Variants in LANCL2 observed in about 807,000 individuals in gnomAD.
LANCL2 encodes the protein lanC-like protein 2.
Under a neutral mutation model 56.9 loss-of-function variants are expected in LANCL2, and 33 were observed. That is an observed-to-expected ratio of 0.58 (90% CI 0.44 to 0.78). The LOEUF is 0.78. Ranked by LOEUF, LANCL2 falls within the 30% of genes least tolerant of loss-of-function variation. The pLI is 0.00. For synonymous variants in LANCL2, 233 were observed against 228.2 expected (o/e 1.02, Z -0.19); for missense variants, 562 against 580.2 (o/e 0.97, Z 0.32).
intron 1 of LANCL2, among the ~76,000 whole-genome samples, chr7:55,369,006 G>GA (rs1233879131): frequency 3.3e-5 from 5 of 152,162 alleles, no homozygotes; most frequent in African/African-American, 1.2e-4. Flanking sequence ...TAAAAGAGAA[G>GA]AAAGAGACAT....
chr7:55,401,382 T>G, intron 5 of LANCL2, 62 bp downstream of exon 5: 5 of 1,439,860 alleles, frequency 3.5e-6, no homozygotes, highest in Non-Finnish European at 4.8e-6. Context: ...GGGAAATGAA[T>G]CCTGCATATA....
In LANCL2 at chr7:55,412,081, G is replaced by A. The variant is rs1308721483; in HGVS notation, c.1000G>A (p.Ala334Thr). 1.2e-6 allele frequency: 2 copies of A among 1,613,668 alleles called. No individual in the cohort carries two copies. The highest frequency in any genetic ancestry group is 1.7e-5 in the Admixed American group (1 of 59,982). ...APGVIHMLMQ[A>T]YKVFKEEKYL... Reference sequence around the variant, plus strand: ...GGGGGTCATCCACATGCTCATGCAGGCGTACAAGGTCAGTGCTTCCGCCGT... The same window carrying A: ...GGGGGTCATCCACATGCTCATGCAGACGTACAAGGTCAGTGCTTCCGCCGT... The change falls in exon 6 of 9, where the codon GCG (alanine) becomes ACG (threonine). Residue 334 changes from alanine (A) to threonine (T), a missense_variant. This residue lies in a region of LANCL2 where 378 missense variants were observed against 468.4 expected (regional missense o/e 0.81). Transcript: ENST00000254770.
chr7:55,384,012 C>CA (rs1790098129), intron 1 of LANCL2, among the ~76,000 whole-genome samples: 1 of 151,170 alleles, frequency 6.6e-6, no homozygotes, highest in Non-Finnish European at 1.5e-5. Context: ...GGTTTCAAGA[C>CA]AGAGGGAAGA....
chr7:55,392,531 T>G (rs1177022396), intron 2 of LANCL2, among the ~76,000 whole-genome samples: 1 of 134,136 alleles, frequency 7.5e-6, no homozygotes, highest in African/African-American at 2.9e-5. Flanking sequence ...TTTGATTTTT[T>G]GTAAAGACGG....
intron 1 of LANCL2, among the ~76,000 whole-genome samples, chr7:55,374,286 G>T (rs541751572): frequency 1.0e-3 from 157 of 152,298 alleles, no homozygotes; most frequent in Admixed American, 2.8e-3. Flanking sequence ...AAATTGGATT[G>T]AGGTGTGTGT....
intron 1 of LANCL2, among the ~76,000 whole-genome samples, chr7:55,373,275 A>ATATTTTTTTATT (rs1789965655): frequency 6.8e-6 from 1 of 147,952 alleles, no homozygotes; most frequent in African/African-American, 2.5e-5. Context: ...AATTTTTTAA[A>ATATTTTTTTATT]TATTTATTTA....
At chr7:55,403,429 C>T (rs1205390803) in intron 5 of LANCL2, among the ~76,000 whole-genome samples, 3 of 145,250 alleles carry the variant, frequency 2.1e-5, no homozygotes, top group East Asian at 1.9e-4. Flanking sequence ...AGGGGGAGAC[C>T]GTGGAAAGAG....
intron 7 of LANCL2, among the ~76,000 whole-genome samples, chr7:55,425,657 G>C (rs1394504562): frequency 6.6e-6 from 1 of 152,160 alleles, no homozygotes; most frequent in Non-Finnish European, 1.5e-5. Flanking sequence ...TATGTGTCCT[G>C]GAGTCACTAC....
In LANCL2 at chr7:55,428,364, T is replaced by C; in HGVS notation, c.1186-11T>C. 6.2e-7 allele frequency: 1 copy of C among 1,613,082 alleles called. No individual in the cohort carries two copies. On this transcript the variant is annotated splice_polypyrimidine_tract_variant and intron_variant, in intron 7 of 8. Coordinates refer to ENST00000254770, the MANE Select transcript of LANCL2 (RefSeq NM_018697.4). ...AACTCCAGTCTTAAAAAGAAATCCC[T>C]TTCTTTTCAGTTTGCAGAGTGGTGT...
intron 6 of LANCL2, among the ~76,000 whole-genome samples, chr7:55,421,678 A>AT (rs921442489): frequency 5.3e-5 from 8 of 150,508 alleles, no homozygotes; most frequent in Non-Finnish European, 8.9e-5. Context: ...CTATTTGCGT[A>AT]TTTTTTTTAC....
At chr7:55,389,944 A>T (rs560194327) in intron 1 of LANCL2, among the ~76,000 whole-genome samples, 1 of 152,208 alleles carries the variant, frequency 6.6e-6, no homozygotes, top group African/African-American at 2.4e-5. Flanking sequence ...CTGGGGCCTC[A>T]TGGCACTTTG....
In LANCL2 at chr7:55,389,731, A is replaced by G. The variant is rs185854852; in HGVS notation, c.205-2062A>G. On this transcript the variant is annotated intron_variant, in intron 1 of 8. Transcript: ENST00000254770. Reference sequence around the variant, plus strand: ...TATGATGGCCTTCATCAGCAAAGCCAGTATTGTAGATAAGGAAAGAAGGAA... The same window carrying G: ...TATGATGGCCTTCATCAGCAAAGCCGGTATTGTAGATAAGGAAAGAAGGAA... Among the ~76,000 whole-genome samples the G allele has an allele frequency of 5.5e-4, 83 of 152,182 alleles. 1 individual carries two copies. Among genetic ancestry groups the G allele is most frequent in the Admixed American group, 2.0e-3 (30 of 15,282 alleles).
rs771332309 is a variant in LANCL2 at position 55,399,949 on chromosome 7, T to C, written c.531-8T>C. 1.2e-5 allele frequency: 19 copies of C among 1,601,480 alleles called. No homozygotes were observed. The highest frequency in any genetic ancestry group is 2.6e-6 in the Non-Finnish European group (3 of 1,171,422). On this transcript the variant is annotated splice_polypyrimidine_tract_variant and splice_region_variant and intron_variant, in intron 3 of 8. Coordinates refer to ENST00000254770, the MANE Select transcript of LANCL2 (RefSeq NM_018697.4). Reference sequence around the variant, plus strand: ...ACTGGGAAAAAATTAATTTTTCTTATTGGTTAGACTTTTGCAGCTCCAGAG... The same window carrying C: ...ACTGGGAAAAAATTAATTTTTCTTACTGGTTAGACTTTTGCAGCTCCAGAG...
intron 5 of LANCL2, among the ~76,000 whole-genome samples, chr7:55,402,243 G>A (rs1324965662): frequency 5.5e-4 from 74 of 135,000 alleles, no homozygotes; most frequent in African/African-American, 1.9e-3. Flanking sequence ...CTGGCCGGGC[G>A]GGGGGCTGAC....
chr7:55,370,321 A>C (rs1213225323), intron 1 of LANCL2, among the ~76,000 whole-genome samples: 2 of 152,304 alleles, frequency 1.3e-5, no homozygotes, highest in East Asian at 3.9e-4. Flanking sequence ...TTATTATGTA[A>C]TCTCAGAAGT....
At chr7:55,367,590 G>A (rs1469654348) in intron 1 of LANCL2, among the ~76,000 whole-genome samples, 2 of 152,174 alleles carry the variant, frequency 1.3e-5, no homozygotes, top group African/African-American at 4.8e-5. Flanking sequence ...TTAGCCGAGC[G>A]TGGTGGTGGA....
At chr7:55,412,610 G>T (rs184936640) in intron 6 of LANCL2, among the ~76,000 whole-genome samples, 2 of 152,166 alleles carry the variant, frequency 1.3e-5, no homozygotes, top group Non-Finnish European at 1.5e-5. Flanking sequence ...ATTAATTCTC[G>T]TAGGCTTTAA....
chr7:55,390,113 A>C (rs1342496954), intron 1 of LANCL2, among the ~76,000 whole-genome samples: 1 of 152,232 alleles, frequency 6.6e-6, no homozygotes, highest in East Asian at 1.9e-4. Flanking sequence ...TATTTTCTTT[A>C]CAATCTCACG....
Position 55,366,237 on chromosome 7 carries a change from G to C in LANCL2, c.204+8G>C. The C allele has an allele frequency of 6.7e-7, 1 of 1,485,008 alleles. No homozygotes were observed. Among genetic ancestry groups the C allele is most frequent in the Non-Finnish European group, 9.0e-7 (1 of 1,110,540 alleles). 92.0% of individuals were successfully genotyped at this position (1,485,008 alleles called of 1,614,324 possible). ...TTTCATCAGGACGGGAAGGTGAGTC[G>C]GCGGCCTGGCCGCAGAGGCGCCGGA... On this transcript the variant is annotated splice_region_variant and intron_variant, in intron 1 of 8. Transcript: ENST00000254770.
Sources: gnomAD v4.1 joint callset for allele counts (sites outside exome capture counted in the v4.1 genomes callset) on GRCh38, gnomAD v4.1.1 for gene constraint, gnomAD v4.1.1 regional missense constraint, MANE v1.5 for transcripts, NCBI Gene and HGNC (gene_info 2026-07-23, HGNC 2026-07-21) for gene names.